Variants in CTBP1 observed in about 807,000 individuals in gnomAD.
The protein encoded by CTBP1 is C-terminal binding protein 1.
In CTBP1, 11 loss-of-function variants were observed where a neutral mutation model predicts 42.1. The observed-to-expected ratio is 0.26, with a 90% confidence interval of 0.16 to 0.43. CTBP1 has a LOEUF of 0.43. Among genes scored for constraint, CTBP1 ranks in the 20% least tolerant of loss-of-function variants. The probability of loss-of-function intolerance (pLI) is 1.00; values close to 1 mark genes in which losing one functional copy is unlikely to be tolerated. For missense variants in CTBP1, 399 were observed against 624.3 expected, an observed-to-expected ratio of 0.64 and a Z score of 3.85; for synonymous variants, 324 against 277.1, an observed-to-expected ratio of 1.17 and a Z score of -1.68.
At chr4:1,214,553 C>G in intron 6 of CTBP1, 80 bp from the exon 7 acceptor site, 3 of 1,477,382 alleles carry the variant, frequency 2.0e-6, no homozygotes, top group Non-Finnish European at 2.7e-6. Context: ...TGGTCACGCA[C>G]GCCGTTGGGA....
intron 2 of CTBP1, 79 bp downstream of exon 2, chr4:1,241,246 G>T: frequency 1.3e-6 from 1 of 781,180 alleles, no homozygotes; most frequent in East Asian, 2.4e-5. Context: ...GACTTGATCC[G>T]AGGCAGTGCC....
chr4:1,236,263 A>T (rs1731482385), intron 3 of CTBP1: 1 of 223,752 alleles, frequency 4.5e-6, no homozygotes, highest in South Asian at 1.1e-4. Flanking sequence ...ATCCCTGGCT[A>T]CAAGTAGAAG....
chr4:1,213,152 G>A, intron 8 of CTBP1, 122 bp from the exon 9 acceptor site: 1 of 895,310 alleles, frequency 1.1e-6, no homozygotes, highest in East Asian at 2.4e-5. Context: ...TCAGCCCCGG[G>A]GCTCCCAAGG....
At chr4:1,215,628 C>T (rs1729024109) in intron 6 of CTBP1, 5 of 334,598 alleles carry the variant, frequency 1.5e-5, no homozygotes, top group Non-Finnish European at 2.3e-5. Flanking sequence ...CCCGTTCCAG[C>T]TGCAGATGTG....
chr4:1,246,858 G>T (rs1055754377), intron 1 of CTBP1, among the ~76,000 whole-genome samples: 3 of 152,070 alleles, frequency 2.0e-5, no homozygotes, highest in African/African-American at 7.2e-5. Context: ...TTTATTAACA[G>T]AATGATGGTT....
chr4:1,237,954 C>A (rs566621255), intron 3 of CTBP1: 1 of 710,684 alleles, frequency 1.4e-6, no homozygotes, highest in South Asian at 1.5e-5. Context: ...CAGGGAAAAC[C>A]CCGTGTCCAC....
intron 5 of CTBP1, among the ~76,000 whole-genome samples, chr4:1,224,885 G>A (rs998560355): frequency 7.3e-5 from 11 of 151,566 alleles, no homozygotes; most frequent in African/African-American, 2.7e-4. Flanking sequence ...ATCCGTGCAG[G>A]CCAGTATGTG....
chr4:1,228,689 G>C (rs1192130169), intron 3 of CTBP1, among the ~76,000 whole-genome samples: 3 of 145,178 alleles, frequency 2.1e-5, no homozygotes, highest in Non-Finnish European at 1.5e-5. Context: ...CCTTGTGGAA[G>C]AAACGGGGTC....
chr4:1,226,166 A>C, intron 4 of CTBP1, among the ~76,000 whole-genome samples: 2 of 150,822 alleles, frequency 1.3e-5, no homozygotes, highest in African/African-American at 2.4e-5. Flanking sequence ...CCCATGTGTG[A>C]CCCCTACTCC....
chr4:1,248,887 G>T (rs1733065098), intron 1 of CTBP1, 29 bp downstream of exon 1: 1 of 967,810 alleles, frequency 1.0e-6, no homozygotes, highest in Non-Finnish European at 1.2e-6. Flanking sequence ...CCCGCCCGCG[G>T]CCGGAAACGC....
intron 3 of CTBP1, chr4:1,234,929 C>G (rs1231248687): frequency 6.6e-6 from 1 of 150,716 alleles, no homozygotes; most frequent in Non-Finnish European, 1.5e-5. Flanking sequence ...GGCCCCCCCA[C>G]CTACACCCCG....
In CTBP1 at chr4:1,212,325, G is replaced by T; in HGVS notation, c.1205C>A (p.Pro402His). 1 of 1,519,504 alleles carries T rather than the reference G, an allele frequency of 6.6e-7. No homozygotes were observed. Among genetic ancestry groups the T allele is most frequent in the Non-Finnish European group, 8.8e-7 (1 of 1,137,942 alleles). 94.1% of individuals were successfully genotyped at this position (1,519,504 alleles called of 1,614,324 possible). A position where few individuals can be genotyped will look rare whatever the true frequency, so the allele number is the denominator to read the frequency against. The change falls in exon 10 of 10, where the codon CCT (proline) becomes CAT (histidine). Residue 402 changes from proline to histidine, a missense_variant. By Grantham distance (77) the Pro-to-His change is moderately conservative. Around this residue, in one of 4 missense-constraint regions of CTBP1, gnomAD observed 60 missense variants for 46.5 expected, o/e 1.29. Coordinates refer to ENST00000382952, the MANE Select transcript of CTBP1 (RefSeq NM_001012614.2). ...SAMSLSHGLP[P>H]VAHPPHAPSP... ...AGGGGCGTGGGGCGGGTGGGCCACA[G>T]GGGGCAGGCCGTGGGACAGGGACAT... is the stretch of plus-strand genomic sequence containing the variant.
At chr4:1,231,291 C>T (rs1730945665) in intron 3 of CTBP1, 1 of 152,314 alleles carries the variant, frequency 6.6e-6, no homozygotes, top group African/African-American at 2.4e-5. Flanking sequence ...CATTGGTCTC[C>T]CACGGAGAAA....
In CTBP1 at chr4:1,246,945, G is replaced by A. The variant is rs1201869767; in HGVS notation, c.-189+1971C>T. Among the ~76,000 whole-genome samples, 3 of 152,324 alleles carry A rather than the reference G, an allele frequency of 2.0e-5. No individual in the cohort carries two copies. The East Asian group carries it at 5.8e-4, about 29-fold the overall frequency. On this transcript the variant is annotated intron_variant, in intron 1 of 9. Coordinates refer to ENST00000382952, the MANE Select transcript of CTBP1 (RefSeq NM_001012614.2). ...AGCCCTTGGGGGAGGCAGACAGGAC[G>A]AGCCAGCACTTCCAATCCCACCAGG...
intron 7 of CTBP1, chr4:1,214,037 C>A (rs760984258): frequency 5.6e-5 from 25 of 446,616 alleles, no homozygotes; most frequent in Non-Finnish European, 8.7e-5. Context: ...GCCATGACTC[C>A]ATGGCCAGGG....
rs760578702 is a variant in CTBP1 at position 1,238,033 on chromosome 4, A to C, written c.162+150T>G. 14 of 1,041,970 alleles carry C rather than the reference A, an allele frequency of 1.3e-5. No homozygotes were observed. Among genetic ancestry groups the C allele is most frequent in the Non-Finnish European group, 2.1e-5 (14 of 676,426 alleles). The allele number at this position is 1,041,970 out of a possible 1,614,324, so 64.5% of individuals were successfully genotyped here. On this transcript the variant is annotated intron_variant, in intron 3 of 9. Coordinates refer to ENST00000382952, the MANE Select transcript of CTBP1 (RefSeq NM_001012614.2). This position sits in a 1 kb window ranked among gnomAD's most constrained non-coding sequence, Gnocchi z 5.9. ...GGTGTCCAGGGAAAACCCCGTGTCCACCTCCTGACGGCGCGGGACGACTGG... is the reference window on the plus strand; with the variant it reads ...GGTGTCCAGGGAAAACCCCGTGTCCCCCTCCTGACGGCGCGGGACGACTGG...
chr4:1,227,014 T>A (rs1730422122), intron 4 of CTBP1, among the ~76,000 whole-genome samples: 1 of 152,062 alleles, frequency 6.6e-6, no homozygotes, highest in South Asian at 2.1e-4. Flanking sequence ...CAACCTCGCC[T>A]GTTACCAGCA....
chr4:1,228,771 G>A (rs1222070705), intron 3 of CTBP1, among the ~76,000 whole-genome samples: 1 of 152,182 alleles, frequency 6.6e-6, no homozygotes, highest in Admixed American at 6.5e-5. Context: ...GCAGCTGGGT[G>A]GGGTGGCCAG....
rs1390181349 is a variant in CTBP1, at chr4:1,243,093, A to G, written c.-188-1574T>C. ...ATACCAGTCAATACTCATCAATGCT[A>G]CCCACGGTGGCCCAGTACCGGCTGC... On this transcript the variant is annotated intron_variant, in intron 1 of 9. Transcript: ENST00000382952. The G allele has an allele frequency of 1.3e-5, 13 of 985,282 alleles. No homozygotes were observed. The Admixed American group carries it at 8.0e-4, about 61-fold the overall frequency. The allele number at this position is 985,282 out of a possible 1,614,324, so 61.0% of individuals were successfully genotyped here. A position where few individuals can be genotyped will look rare whatever the true frequency, so the allele number is the denominator to read the frequency against.
Sources: gnomAD v4.1 joint callset for allele counts (sites outside exome capture counted in the v4.1 genomes callset) on GRCh38, gnomAD v4.1.1 for gene constraint, gnomAD v4.1.1 regional missense constraint, Gnocchi (gnomAD v3.1) non-coding constraint, MANE v1.5 for transcripts, NCBI Gene and HGNC (gene_info 2026-07-23, HGNC 2026-07-21) for gene names.